The following MFSD8 variants were observed in gnomAD, a reference collection of about 807,000 sequenced individuals.
The protein encoded by MFSD8 is major facilitator superfamily domain-containing protein 8.
Under a neutral mutation model 66.4 loss-of-function variants are expected in MFSD8, and 55 were observed. That is an observed-to-expected ratio of 0.83 (90% CI 0.67 to 1.04). The LOEUF (loss-of-function observed/expected upper bound fraction) is 1.04, where lower values mean the gene tolerates loss of function less well. Ranked by LOEUF, MFSD8 falls within the 50% of genes least tolerant of loss-of-function variation. MFSD8 has a pLI of 0.00. For synonymous variants in MFSD8, 202 were observed against 212.8 expected, an observed-to-expected ratio of 0.95 and a Z score of 0.44; for missense variants, 550 against 627.6, an observed-to-expected ratio of 0.88 and a Z score of 1.32.
At chr4:127,944,045 AC>A in intron 3 of MFSD8, 53 bp from the exon 4 acceptor site, 1 of 1,610,988 alleles carries the variant, frequency 6.2e-7, no homozygotes, top group Non-Finnish European at 8.5e-7. Flanking sequence ...AAAGTTTAAA[AC>A]TAAATACATT....
At chr4:127,946,746 C>G (rs1207072015) in intron 3 of MFSD8, among the ~76,000 whole-genome samples, 1 of 151,994 alleles carries the variant, frequency 6.6e-6, no homozygotes, top group African/African-American at 2.4e-5. Context: ...GAAACCCTGT[C>G]TCTACTAAAA....
At position 127,939,847 on chromosome 4, in the gene MFSD8, A is replaced by G; in HGVS notation, c.698+6T>C. On this transcript the variant is annotated splice_donor_region_variant and intron_variant, in intron 6 of 11. Coordinates refer to ENST00000641686, the MANE Select transcript of MFSD8 (RefSeq NM_001371596.2). Reference sequence around the variant, plus strand: ...AAAAATAGTTTTATCATTTCTATCTAATTACCTTAGTATGGCAAGGATCAG... The same window carrying G: ...AAAAATAGTTTTATCATTTCTATCTGATTACCTTAGTATGGCAAGGATCAG... 1 of 1,608,374 alleles carries G rather than the reference A, an allele frequency of 6.2e-7. No homozygotes were observed. Among genetic ancestry groups the G allele is most frequent in the Non-Finnish European group, 8.5e-7 (1 of 1,176,776 alleles).
intron 11 of MFSD8, 90 bp from the exon 12 acceptor site, chr4:127,920,926 C>T: frequency 1.6e-6 from 2 of 1,221,488 alleles, no homozygotes; most frequent in African/African-American, 1.5e-5. Flanking sequence ...CTACAGCAAA[C>T]TTACAAGAAT....
chr4:127,950,556 G>C (rs1039888621), intron 2 of MFSD8, among the ~76,000 whole-genome samples: 1 of 151,932 alleles, frequency 6.6e-6, no homozygotes, highest in African/African-American at 2.4e-5. Context: ...CGGGCATGGT[G>C]GCACATGCCT....
At chr4:127,937,785 C>G (rs188443047) in intron 7 of MFSD8, among the ~76,000 whole-genome samples, 8 of 152,228 alleles carry the variant, frequency 5.3e-5, no homozygotes. Context: ...TAGCTCCTCA[C>G]CACTCTGCTC....
intron 1 of MFSD8, chr4:127,964,842 T>G (rs1230788966): frequency 1.6e-6 from 1 of 615,878 alleles, no homozygotes; most frequent in Non-Finnish European, 2.9e-6. Flanking sequence ...CCTGGGTTTC[T>G]CCAGCCCCGT....
chr4:127,925,034 G>A (rs1004044203), intron 9 of MFSD8, among the ~76,000 whole-genome samples: 8 of 152,148 alleles, frequency 5.3e-5, no homozygotes, highest in African/African-American at 1.9e-4. Flanking sequence ...AAACTGGCTA[G>A]CCATACGCAG....
At chr4:127,961,764 T>A (rs557926181) in intron 1 of MFSD8, among the ~76,000 whole-genome samples, 4 of 136,326 alleles carry the variant, frequency 2.9e-5, no homozygotes, top group African/African-American at 1.1e-4. Context: ...GAGCTTGCAG[T>A]GAGCCGAGAT....
chr4:127,954,611 G>A (rs2148961793), intron 2 of MFSD8, among the ~76,000 whole-genome samples: 1 of 152,270 alleles, frequency 6.6e-6, no homozygotes, highest in Non-Finnish European at 1.5e-5. Context: ...GCAAGACTCT[G>A]TCTCAAAAAG....
At chr4:127,939,748 TA>T in intron 6 of MFSD8, 104 bp downstream of exon 6, 1 of 1,293,072 alleles carries the variant, frequency 7.7e-7, no homozygotes, top group Non-Finnish European at 1.1e-6. Flanking sequence ...ACTATAGACA[TA>T]AAAAACTACG....
intron 5 of MFSD8, among the ~76,000 whole-genome samples, chr4:127,941,618 C>T (rs569170272): frequency 1.3e-5 from 2 of 152,240 alleles, no homozygotes; most frequent in South Asian, 2.1e-4. Context: ...CCCGCCACCA[C>T]ACCTGGCTAA....
At chr4:127,954,714 G>A (rs1329267879) in intron 2 of MFSD8, among the ~76,000 whole-genome samples, 2 of 152,194 alleles carry the variant, frequency 1.3e-5, no homozygotes, top group Admixed American at 1.3e-4. Context: ...GAAGAGTCCT[G>A]GAATGGGAGA....
chr4:127,943,737 T>C lies in MFSD8; in HGVS notation c.439+15A>G, dbSNP rs765185830. ...TGTGAATATGACACAACCAAACATA[T>C]ACATACAACCTTACCTGCTCCAATT... is the stretch of plus-strand genomic sequence containing the variant. On this transcript the variant is annotated intron_variant, in intron 4 of 11. Transcript: ENST00000641686. 2 of 1,613,986 alleles carry C rather than the reference T, an allele frequency of 1.2e-6. No individual in the cohort carries two copies. The highest frequency in any genetic ancestry group is 1.6e-4 in the Middle Eastern group (1 of 6,062).
chr4:127,923,684 A>G (rs1736733042), intron 9 of MFSD8, among the ~76,000 whole-genome samples: 2 of 151,216 alleles, frequency 1.3e-5, no homozygotes, highest in Non-Finnish European at 2.9e-5. Flanking sequence ...GGTTCATGCC[A>G]TTCTCCTGCC....
At position 127,930,977 on chromosome 4, in the gene MFSD8, G is replaced by A. The variant is rs116698458; in HGVS notation, c.864-160C>T. On this transcript the variant is annotated intron_variant, in intron 8 of 11. Coordinates refer to ENST00000641686, the MANE Select transcript of MFSD8 (RefSeq NM_001371596.2). ...GCAAAAGTTTGAACACATTTTAAGC[G>A]TTTGTTGTTACATACCTAAGTTACT... Among the ~76,000 whole-genome samples, 461 of 152,178 alleles carry A rather than the reference G, an allele frequency of 3.0e-3. 4 individuals carry two copies. Among genetic ancestry groups the A allele is most frequent in the African/African-American group, 0.011 (440 of 41,504 alleles).
chr4:127,918,255 C>T lies in MFSD8; in HGVS notation c.*2375G>A, dbSNP rs1437070988. 2 of 152,188 alleles carry T rather than the reference C, an allele frequency of 1.3e-5. No individual in the cohort carries two copies. The highest frequency in any genetic ancestry group is 1.9e-4 in the East Asian group (1 of 5,196). 9.4% of individuals were successfully genotyped at this position (152,188 alleles called of 1,614,324 possible). The stretch of plus-strand genomic sequence containing the variant: ...CTTGGCCTACTCAAGAAGACATCAA[C>T]ATGGTGATTTTTTTTCCTCAAACTT... On this transcript the variant is annotated 3_prime_UTR_variant, in exon 12 of 12. Coordinates refer to ENST00000641686, the MANE Select transcript of MFSD8 (RefSeq NM_001371596.2).
chr4:127,960,640 T>C (rs1487045918), intron 1 of MFSD8, among the ~76,000 whole-genome samples: 2 of 152,188 alleles, frequency 1.3e-5, no homozygotes, highest in Non-Finnish European at 2.9e-5. Flanking sequence ...TATAAAGATA[T>C]GCCCTATAAG....
intron 2 of MFSD8, among the ~76,000 whole-genome samples, chr4:127,955,636 G>A (rs1742728858): frequency 6.6e-6 from 1 of 151,546 alleles, no homozygotes; most frequent in African/African-American, 2.4e-5. Flanking sequence ...ATCTCAAACT[G>A]AAGGCAACCG....
chr4:127,943,104 CT>C (rs1370073855), intron 4 of MFSD8, among the ~76,000 whole-genome samples: 4 of 151,958 alleles, frequency 2.6e-5, no homozygotes, highest in African/African-American at 4.8e-5. Flanking sequence ...GTAATCCCAG[CT>C]ACTCGGGAGG....
Sources: allele counts gnomAD v4.1 joint callset (sites outside exome capture counted in the v4.1 genomes callset), GRCh38; gene constraint gnomAD v4.1.1; transcripts MANE v1.5; gene names NCBI Gene and HGNC (gene_info 2026-07-23, HGNC 2026-07-21).